Variants in IGLON5 observed in about 807,000 individuals in gnomAD.
IGLON5 encodes the protein IgLON family member 5.
Under a neutral mutation model 38.2 loss-of-function variants are expected in IGLON5, and 16 were observed. That is an observed-to-expected ratio of 0.42 (90% CI 0.28 to 0.64). The LOEUF is 0.64. Ranked by LOEUF, IGLON5 falls within the 30% of genes least tolerant of loss-of-function variation. The pLI, the probability that IGLON5 is intolerant of heterozygous loss-of-function variation, is 0.23. For missense variants in IGLON5, 366 were observed against 483.4 expected (o/e 0.76, Z 2.28); for synonymous variants, 207 against 216.4 (o/e 0.96, Z 0.38).
At chr19:51,312,812 G>A (rs1984800535) in intron 1 of IGLON5, among the ~76,000 whole-genome samples, 1 of 152,180 alleles carries the variant, frequency 6.6e-6, no homozygotes, top group African/African-American at 2.4e-5. Context: ...ACTGAGGTTA[G>A]ATAGCTGGAC....
rs532748280 is a variant in IGLON5 at position 51,328,666 on chromosome 19, C to G, written c.923-5C>G. On this transcript the variant is annotated splice_region_variant and splice_polypyrimidine_tract_variant and intron_variant, in intron 7 of 7. Coordinates refer to ENST00000270642, the MANE Select transcript of IGLON5 (RefSeq NM_001101372.3). ...CTCCCTCCATGACCCCTTCTCTTCCCCCAGGCCCAGGATCCCTGGAGAACT... is the reference window on the plus strand; with the variant it reads ...CTCCCTCCATGACCCCTTCTCTTCCGCCAGGCCCAGGATCCCTGGAGAACT... 3.2e-6 allele frequency: 5 copies of G among 1,561,088 alleles called. No homozygotes were observed. In the East Asian group the frequency reaches 1.2e-4, roughly 37 times the overall value.
At chr19:51,323,565 G>C in intron 2 of IGLON5, 97 bp from the exon 3 acceptor site, 2 of 961,664 alleles carry the variant, frequency 2.1e-6, no homozygotes, top group Non-Finnish European at 3.2e-6. Flanking sequence ...GTGGGACCTG[G>C]AGATGCGGTG....
intron 1 of IGLON5, among the ~76,000 whole-genome samples, chr19:51,317,932 C>T (rs1418877734): frequency 1.3e-5 from 2 of 152,166 alleles, no homozygotes; most frequent in African/African-American, 4.8e-5. Context: ...ATCTTCCAAC[C>T]CTAGCTCCTC....
chr19:51,322,964 TCC>T (rs1985111121), intron 2 of IGLON5, among the ~76,000 whole-genome samples: 1 of 145,282 alleles, frequency 6.9e-6, no homozygotes, highest in African/African-American at 2.6e-5. Context: ...TGGGTCTCTG[TCC>T]CCCTCTCTCT....
chr19:51,312,062 C>A, intron 1 of IGLON5, 136 bp downstream of exon 1: 2 of 411,242 alleles, frequency 4.9e-6, no homozygotes, highest in South Asian at 1.1e-4. Flanking sequence ...GGGGTCTGGG[C>A]CCGGGGGTGG....
chr19:51,312,116 G>T (rs949097387), intron 1 of IGLON5, among the ~76,000 whole-genome samples, 190 bp downstream of exon 1: 1 of 151,754 alleles, frequency 6.6e-6, no homozygotes, highest in Admixed American at 6.6e-5. Context: ...GGACGTGGGG[G>T]TCCGCGCCCC....
In IGLON5 at chr19:51,324,801, G is replaced by A. The variant is rs976851305; in HGVS notation, c.392-545G>A. 2.0e-5 allele frequency among the ~76,000 whole-genome samples: 3 copies of A among 151,252 alleles called. No individual in the cohort carries two copies. The highest frequency in any genetic ancestry group is 2.1e-4 in the South Asian group (1 of 4,796). On this transcript the variant is annotated intron_variant, in intron 3 of 7. Coordinates refer to ENST00000270642, the MANE Select transcript of IGLON5 (RefSeq NM_001101372.3). The surrounding 1 kb of genome is among the most constrained non-coding windows in gnomAD (Gnocchi z 4.2). ...GGAGAAATGTTCAAATGGGAGAGGGGAGTGGAAAGCACAGATGACTTAGAA... is the reference window on the plus strand; with the variant it reads ...GGAGAAATGTTCAAATGGGAGAGGGAAGTGGAAAGCACAGATGACTTAGAA...
At chr19:51,315,304 C>T (rs760846275) in intron 1 of IGLON5, among the ~76,000 whole-genome samples, 1 of 152,196 alleles carries the variant, frequency 6.6e-6, no homozygotes, top group Non-Finnish European at 1.5e-5. Context: ...GATTTGAGTC[C>T]CAGCACTGCC....
At position 51,319,329 on chromosome 19, in the gene IGLON5, G is replaced by A. The variant is rs145441311; in HGVS notation, c.80-2735G>A. Reference sequence around the variant, plus strand: ...CGTGTGTGTGTGTGTGTGTGTGTGCGTCCAGCCGTGTGTGATCTGATCACA... The same window carrying A: ...CGTGTGTGTGTGTGTGTGTGTGTGCATCCAGCCGTGTGTGATCTGATCACA... On this transcript the variant is annotated intron_variant, in intron 1 of 7. Coordinates refer to ENST00000270642, the MANE Select transcript of IGLON5 (RefSeq NM_001101372.3). Among the ~76,000 whole-genome samples, 933 of 150,752 alleles carry A rather than the reference G, an allele frequency of 6.2e-3. 3 individuals carry two copies. Among genetic ancestry groups the A allele is most frequent in the Non-Finnish European group, 9.3e-3 (628 of 67,658 alleles).
At chr19:51,319,385 C>T (rs1011026022) in intron 1 of IGLON5, among the ~76,000 whole-genome samples, 5 of 151,664 alleles carry the variant, frequency 3.3e-5, no homozygotes, top group Non-Finnish European at 5.9e-5. Flanking sequence ...CTCGGCCCAG[C>T]GTGGCCCCTT....
intron 1 of IGLON5, among the ~76,000 whole-genome samples, chr19:51,317,401 G>C (rs1984949241): frequency 1.3e-5 from 2 of 152,194 alleles, no homozygotes; most frequent in African/African-American, 4.8e-5. Flanking sequence ...AGTGAGGAAG[G>C]CATGATTATC....
rs1485578032 is a variant in IGLON5 at position 51,311,676 on chromosome 19, A to G, written c.-172A>G. On this transcript the variant is annotated 5_prime_UTR_variant, in exon 1 of 8. Coordinates refer to ENST00000270642, the MANE Select transcript of IGLON5 (RefSeq NM_001101372.3). ...CCGCCCCCCTCCCCGGGTCTGCAGC[A>G]GCTCCAGCCGCCTCGTCGCGCCCCC... 2.7e-5 allele frequency among the ~76,000 whole-genome samples: 3 copies of G among 110,988 alleles called. No homozygotes were observed. The highest frequency in any genetic ancestry group is 9.9e-5 in the African/African-American group (3 of 30,344). The allele number at this position is 110,988 out of a possible 152,430, so 72.8% of individuals were successfully genotyped here. A position where few individuals can be genotyped will look rare whatever the true frequency, so the allele number is the denominator to read the frequency against.
Position 51,311,994 on chromosome 19 carries a change from CA to C in IGLON5, c.79+69del, listed in dbSNP as rs1984777120. 3.5e-5 allele frequency: 30 copies of C among 857,642 alleles called. No homozygotes were observed. The East Asian group carries it at 1.0e-3, about 29-fold the overall frequency. 53.1% of individuals were successfully genotyped at this position (857,642 alleles called of 1,614,324 possible). ...GGTCTTGGGTGGGTAATCGGGGGAT[CA>C]GGGGTGGGGGTCGAGGGCTGCATCC... On this transcript the variant is annotated intron_variant, in intron 1 of 7. Coordinates refer to ENST00000270642, the MANE Select transcript of IGLON5 (RefSeq NM_001101372.3).
rs762038802 is a variant in IGLON5, at chr19:51,323,816, G to A, written c.313G>A (p.Gly105Ser). 1.1e-5 allele frequency: 17 copies of A among 1,613,756 alleles called. 1 individual carries two copies. Among genetic ancestry groups the A allele is most frequent in the African/African-American group, 5.3e-5 (4 of 74,912 alleles). ...CATCCTCATCACCGAGGTGGGGCTC[G>A]GCGACGAGGGCCTCTACACCTGCTC... is the stretch of plus-strand genomic sequence containing the variant. ...FSILITEVGL[G>S]DEGLYTCSFQ... is the part of the protein sequence containing the mutation. The change falls in exon 3 of 8, where the codon GGC becomes AGC. Residue 105 changes from glycine (G) to serine (S), a missense_variant. Gly to Ser is a moderately conservative substitution (Grantham distance 56). Coordinates refer to ENST00000270642, the MANE Select transcript of IGLON5 (RefSeq NM_001101372.3).
intron 4 of IGLON5, among the ~76,000 whole-genome samples, 171 bp from the exon 5 acceptor site, chr19:51,326,593 A>G (rs1244870164): frequency 7.5e-6 from 1 of 133,174 alleles, no homozygotes; most frequent in Non-Finnish European, 1.6e-5. Context: ...CCAGCTGGAG[A>G]GATCCCAGGC....
In IGLON5 at chr19:51,325,095, G is replaced by A. The variant is rs1020943084; in HGVS notation, c.392-251G>A. ...CAAGAAGATGCCAGGCCCAGACAGA[G>A]GTTTCAGAGAAAAAGGCAGAGACTC... On this transcript the variant is annotated intron_variant, in intron 3 of 7. Coordinates refer to ENST00000270642, the MANE Select transcript of IGLON5 (RefSeq NM_001101372.3). The surrounding 1 kb of genome is among the most constrained non-coding windows in gnomAD (Gnocchi z 5.5). Among the ~76,000 whole-genome samples the A allele has an allele frequency of 2.0e-5, 3 of 152,190 alleles. No individual in the cohort carries two copies. The highest frequency in any genetic ancestry group is 2.0e-4 in the Admixed American group (3 of 15,294).
Position 51,329,212 on chromosome 19 carries a change from G to A in IGLON5, c.*453G>A, listed in dbSNP as rs1985292277. The A allele has an allele frequency of 6.5e-6, 1 of 153,780 alleles. No homozygotes were observed. The highest frequency in any genetic ancestry group is 1.4e-5 in the Non-Finnish European group (1 of 69,316). The allele number at this position is 153,780 out of a possible 1,614,324, so 9.5% of individuals were successfully genotyped here. On this transcript the variant is annotated 3_prime_UTR_variant, in exon 8 of 8. Coordinates refer to ENST00000270642, the MANE Select transcript of IGLON5 (RefSeq NM_001101372.3). This position sits in a 1 kb window ranked among gnomAD's most constrained non-coding sequence, Gnocchi z 4.3. Reference sequence around the variant, plus strand: ...CATGTCCACTGTCCCCAACCCTATTGCCTCTCACCTCTGGCTGGAGGTAGG... The same window carrying A: ...CATGTCCACTGTCCCCAACCCTATTACCTCTCACCTCTGGCTGGAGGTAGG...
At chr19:51,312,666 G>A (rs1050190043) in intron 1 of IGLON5, among the ~76,000 whole-genome samples, 3 of 152,138 alleles carry the variant, frequency 2.0e-5, no homozygotes, top group Admixed American at 1.3e-4. Flanking sequence ...AGGTTCGTGG[G>A]GCTGGACAGT....
intron 1 of IGLON5, among the ~76,000 whole-genome samples, chr19:51,313,640 TCTC>T (rs1343060813): frequency 1.8e-4 from 25 of 140,414 alleles, no homozygotes; most frequent in African/African-American, 4.8e-4. Flanking sequence ...TTTCTCTCTC[TCTC>T]TCTTTTTCTT....
Sources: allele counts gnomAD v4.1 joint callset (sites outside exome capture counted in the v4.1 genomes callset), GRCh38; gene constraint gnomAD v4.1.1; non-coding constraint Gnocchi (gnomAD v3.1); transcripts MANE v1.5; gene names NCBI Gene and HGNC (gene_info 2026-07-23, HGNC 2026-07-21).